The following BANK1 variants were observed in gnomAD, a reference collection of about 807,000 sequenced individuals.
The protein encoded by BANK1 is B-cell scaffold protein with ankyrin repeats.
BANK1 carries 95 observed loss-of-function variants against 94.5 expected under a neutral mutation model. The observed-to-expected ratio is 1.00, with a 90% CI of 0.85 to 1.19. BANK1 has a LOEUF of 1.19. BANK1 is among the 50% of genes most tolerant of loss of function. The probability of loss-of-function intolerance (pLI) is 0.00; values close to 1 mark genes in which losing one functional copy is unlikely to be tolerated. For missense variants in BANK1, 987 were observed against 932.2 expected (o/e 1.06, Z -0.77); for synonymous variants, 334 against 308.4 (o/e 1.08, Z -0.87).
At chr4:101,947,295 A>G (rs1723963938) in intron 7 of BANK1, among the ~76,000 whole-genome samples, 1 of 70,866 alleles carries the variant, frequency 1.4e-5, no homozygotes, top group Non-Finnish European at 3.9e-5. Context: ...ATATATATAT[A>G]TATATATATA....
At chr4:101,822,854 A>T (rs1726224870) in intron 1 of BANK1, among the ~76,000 whole-genome samples, 2 of 151,998 alleles carry the variant, frequency 1.3e-5, no homozygotes, top group Admixed American at 1.3e-4. Context: ...TGACCTCGTG[A>T]TCCGCCCGCC....
chr4:102,032,592 T>A (rs534512618), intron 10 of BANK1, among the ~76,000 whole-genome samples: 1 of 152,096 alleles, frequency 6.6e-6, no homozygotes, highest in Non-Finnish European at 1.5e-5. Flanking sequence ...TGTTTAACAA[T>A]GAAGCACCGG....
rs148522024 is a variant in BANK1, at chr4:102,052,316, C to T, written c.1970-7895C>T. Among the ~76,000 whole-genome samples the T allele has an allele frequency of 8.3e-3, 1,263 of 151,962 alleles. 23 individuals carry two copies. Among genetic ancestry groups the T allele is most frequent in the African/African-American group, 0.029 (1,207 of 41,424 alleles). On this transcript the variant is annotated intron_variant, in intron 11 of 16. Transcript: ENST00000322953. ...TATTTTTAGTAGAGATAGGGTTTCA[C>T]CATGTTGGCCAGGATGGTCTGGATC...
chr4:101,888,126 A>G (rs1427162530), intron 5 of BANK1, among the ~76,000 whole-genome samples: 1 of 152,216 alleles, frequency 6.6e-6, no homozygotes, highest in African/African-American at 2.4e-5. Flanking sequence ...TGAAACTTAA[A>G]CAAGCACAGC....
intron 7 of BANK1, among the ~76,000 whole-genome samples, chr4:101,954,000 A>G (rs1724256985): frequency 6.6e-6 from 1 of 152,028 alleles, no homozygotes; most frequent in South Asian, 2.1e-4. Context: ...GTGTGTCTGC[A>G]GAGTTTGTTC....
intron 6 of BANK1, among the ~76,000 whole-genome samples, chr4:101,902,751 C>T (rs1474253014): frequency 6.6e-6 from 1 of 152,194 alleles, no homozygotes; most frequent in Non-Finnish European, 1.5e-5. Context: ...AGATCAGAGG[C>T]ATTAACATGG....
chr4:101,945,778 G>A (rs528254090), intron 7 of BANK1, among the ~76,000 whole-genome samples: 5 of 152,026 alleles, frequency 3.3e-5, no homozygotes, highest in African/African-American at 1.2e-4. Context: ...AAATTCGAAA[G>A]CTGAGTAGAA....
chr4:101,842,029 A>G (rs1318456897), intron 2 of BANK1, among the ~76,000 whole-genome samples: 1 of 152,232 alleles, frequency 6.6e-6, no homozygotes, highest in East Asian at 1.9e-4. Context: ...GGTACTTCAT[A>G]TGAAGAAATT....
At chr4:102,004,329 G>A (rs562178422) in intron 7 of BANK1, among the ~76,000 whole-genome samples, 1 of 152,200 alleles carries the variant, frequency 6.6e-6, no homozygotes, top group African/African-American at 2.4e-5. Flanking sequence ...TAGACTCTGA[G>A]GCATCAGGTA....
chr4:101,878,429 C>A (rs1203764944), intron 5 of BANK1, among the ~76,000 whole-genome samples: 1 of 152,144 alleles, frequency 6.6e-6, no homozygotes, highest in African/African-American at 2.4e-5. Context: ...TATATATTTA[C>A]CCAACACTGG....
chr4:101,908,628 A>C (rs1360341347), intron 6 of BANK1, among the ~76,000 whole-genome samples: 2 of 152,324 alleles, frequency 1.3e-5, no homozygotes, highest in South Asian at 2.1e-4. Flanking sequence ...CAACCTACAG[A>C]ATGGGAGAAA....
intron 1 of BANK1, among the ~76,000 whole-genome samples, chr4:101,829,380 G>A (rs947762279): frequency 1.3e-5 from 2 of 150,492 alleles, no homozygotes; most frequent in Non-Finnish European, 3.0e-5. Flanking sequence ...TAAATATATC[G>A]TATTTTCAAC....
At chr4:101,947,734 T>G (rs1210589594) in intron 7 of BANK1, among the ~76,000 whole-genome samples, 4 of 152,010 alleles carry the variant, frequency 2.6e-5, no homozygotes, top group African/African-American at 7.2e-5. Context: ...CACTGACCTT[T>G]GTTCTCCAAA....
chr4:102,068,666 A>G (rs538421082), intron 13 of BANK1, among the ~76,000 whole-genome samples: 2 of 152,178 alleles, frequency 1.3e-5, no homozygotes, highest in African/African-American at 4.8e-5. Flanking sequence ...GTCTCTTATA[A>G]AAATACAAAA....
intron 2 of BANK1, among the ~76,000 whole-genome samples, chr4:101,844,283 T>C (rs898685076): frequency 6.6e-6 from 1 of 152,206 alleles, no homozygotes; most frequent in East Asian, 1.9e-4. Context: ...GAAGCAACCA[T>C]TGATGTGAAT....
At chr4:102,051,425 G>T (rs537601289) in intron 11 of BANK1, among the ~76,000 whole-genome samples, 1 of 152,010 alleles carries the variant, frequency 6.6e-6, no homozygotes, top group African/African-American at 2.4e-5. Flanking sequence ...CAATATGTTC[G>T]CAACCCACAG....
intron 4 of BANK1, among the ~76,000 whole-genome samples, chr4:101,866,322 G>GT (rs1225054091): frequency 2.6e-5 from 4 of 151,962 alleles, no homozygotes; most frequent in Non-Finnish European, 5.9e-5. Context: ...AGAGAAAAAA[G>GT]TTTTTTTGTC....
At chr4:101,861,286 A>T (rs534975893) in intron 3 of BANK1, among the ~76,000 whole-genome samples, 25 of 152,182 alleles carry the variant, frequency 1.6e-4, no homozygotes, top group South Asian at 4.2e-4. Flanking sequence ...ATAATTAGAA[A>T]CTCTTTTGGA....
At chr4:101,889,925 G>T (rs1201260467) in intron 5 of BANK1, among the ~76,000 whole-genome samples, 1 of 152,106 alleles carries the variant, frequency 6.6e-6, no homozygotes, top group Non-Finnish European at 1.5e-5. Context: ...TTGACCCACA[G>T]ATTACTTAGT....
Sources: allele counts gnomAD v4.1 joint callset (sites outside exome capture counted in the v4.1 genomes callset), GRCh38; gene constraint gnomAD v4.1.1; transcripts MANE v1.5; gene names NCBI Gene and HGNC (gene_info 2026-07-23, HGNC 2026-07-21).